THRB: variants seen among roughly 807,000 people sequenced by gnomAD.
THRB encodes nuclear receptor subfamily 1 group A member 2.
THRB carries 12 observed loss-of-function variants against 47.8 expected under a neutral mutation model. The observed-to-expected ratio is 0.25, with a 90% CI of 0.16 to 0.41. The LOEUF (loss-of-function observed/expected upper bound fraction) is 0.41. THRB is among the 10% of genes least tolerant of loss of function. The pLI, the probability that THRB is intolerant of heterozygous loss-of-function variation, is 1.00. For synonymous variants in THRB, 218 were observed against 212.2 expected, an observed-to-expected ratio of 1.03 and a Z score of -0.24; for missense variants, 348 against 589.2, an observed-to-expected ratio of 0.59 and a Z score of 4.24.
rs969407720 is a variant in THRB, at chr3:24,146,912, G to T, written c.385-90C>A. The T allele has an allele frequency of 5.7e-6, 7 of 1,229,856 alleles. No individual in the cohort carries two copies. In the Admixed American group the frequency reaches 1.2e-4, roughly 21 times the overall value. The allele number at this position is 1,229,856 out of a possible 1,614,324, so 76.2% of individuals were successfully genotyped here. A position where few individuals can be genotyped will look rare whatever the true frequency, so the allele number is the denominator to read the frequency against. Reference sequence around the variant, plus strand: ...TTTTGTGTCCATATAACTATGAGATGAATCGTTTTGGACCTTAACCTGTTT... The same window carrying T: ...TTTTGTGTCCATATAACTATGAGATTAATCGTTTTGGACCTTAACCTGTTT... On this transcript the variant is annotated intron_variant, in intron 6 of 10. Transcript: ENST00000646209.
At chr3:24,421,849 T>G (rs1426286739) in intron 1 of THRB, among the ~76,000 whole-genome samples, 14 of 151,984 alleles carry the variant, frequency 9.2e-5, no homozygotes, top group Admixed American at 9.2e-4. Flanking sequence ...TAATGATCCC[T>G]TCCTCTAAAG....
chr3:24,412,984 CA>C (rs564343974), intron 1 of THRB, among the ~76,000 whole-genome samples: 2 of 151,108 alleles, frequency 1.3e-5, no homozygotes, highest in Non-Finnish European at 1.5e-5. Flanking sequence ...ATCAATTTAC[CA>C]AAAAAAACTT....
chr3:24,249,562 A>G (rs372144419), intron 3 of THRB, among the ~76,000 whole-genome samples: 10,157 of 152,164 alleles, frequency 0.067, 757 homozygotes, highest in African/African-American at 0.18. Flanking sequence ...CAGAACTTAA[A>G]CAATCAATGG....
chr3:24,428,560 C>A (rs544338895), intron 1 of THRB, among the ~76,000 whole-genome samples: 1 of 152,110 alleles, frequency 6.6e-6, no homozygotes, highest in South Asian at 2.1e-4. Flanking sequence ...CTTCCTAGCC[C>A]AATTTGTTTG....
chr3:24,464,513 T>G (rs190052491), intron 1 of THRB, among the ~76,000 whole-genome samples: 18 of 152,328 alleles, frequency 1.2e-4, no homozygotes, highest in South Asian at 8.3e-4. Flanking sequence ...TGAGTTACTA[T>G]TTTTAGGTCT....
chr3:24,486,736 A>C (rs770622946), intron 1 of THRB: 16 of 152,238 alleles, frequency 1.1e-4, no homozygotes, highest in Non-Finnish European at 1.8e-4. Flanking sequence ...GTATAGGTTT[A>C]TCATCTACAT....
chr3:24,232,977 A>T (rs552632582), intron 3 of THRB, among the ~76,000 whole-genome samples: 106 of 152,164 alleles, frequency 7.0e-4, no homozygotes, highest in Non-Finnish European at 5.9e-4. Context: ...AAAGTCACAG[A>T]TGCCATGTGC....
At chr3:24,132,142 G>C (rs1001914466) in intron 9 of THRB, among the ~76,000 whole-genome samples, 2 of 152,140 alleles carry the variant, frequency 1.3e-5, no homozygotes, top group Non-Finnish European at 2.9e-5. Context: ...GGCAGCAGGA[G>C]TCATTCCAGG....
rs114944387 is a variant in THRB at position 24,118,216 on chromosome 3, T to C, written c.*4668A>G. ...AAAGAAAGAGACAGGAAAATATATC[T>C]GTTATAAGCTTTTTCTTTTTTAGAA... On this transcript the variant is annotated 3_prime_UTR_variant, in exon 11 of 11. Transcript: ENST00000646209. 1.3e-5 allele frequency: 2 copies of C among 152,812 alleles called. No homozygotes were observed. Among genetic ancestry groups the C allele is most frequent in the African/African-American group, 4.8e-5 (2 of 41,600 alleles). The allele number at this position is 152,812 out of a possible 1,614,324, so 9.5% of individuals were successfully genotyped here. A position where few individuals can be genotyped will look rare whatever the true frequency, so the allele number is the denominator to read the frequency against.
At chr3:24,249,554 GAAC>G (rs2050450962) in intron 3 of THRB, among the ~76,000 whole-genome samples, 1 of 133,420 alleles carries the variant, frequency 7.5e-6, no homozygotes, top group African/African-American at 3.6e-5. Flanking sequence ...CTCTAACCCA[GAAC>G]TTAAACAATC....
chr3:24,351,384 G>C (rs955520221), intron 1 of THRB, among the ~76,000 whole-genome samples: 1 of 152,054 alleles, frequency 6.6e-6, no homozygotes, highest in South Asian at 2.1e-4. Context: ...CTTTCAAAAT[G>C]ATGGGCACTT....
At chr3:24,286,187 G>A (rs2055274381) in intron 3 of THRB, among the ~76,000 whole-genome samples, 1 of 152,180 alleles carries the variant, frequency 6.6e-6, no homozygotes, top group African/African-American at 2.4e-5. Flanking sequence ...AGAAACAAAT[G>A]TTTGGTGTAT....
intron 1 of THRB, among the ~76,000 whole-genome samples, chr3:24,403,104 CATAG>C (rs1263878424): frequency 6.6e-6 from 1 of 151,924 alleles, no homozygotes; most frequent in Non-Finnish European, 1.5e-5. Context: ...TACATAACAA[CATAG>C]ATCTCTGAAA....
intron 2 of THRB, among the ~76,000 whole-genome samples, chr3:24,317,594 T>G (rs1368206576): frequency 1.3e-5 from 2 of 151,666 alleles, no homozygotes; most frequent in Non-Finnish European, 2.9e-5. Flanking sequence ...CTGGCTAGGG[T>G]GTTGGGTCTG....
chr3:24,219,073 C>T (rs2046907331), intron 4 of THRB, among the ~76,000 whole-genome samples: 1 of 151,982 alleles, frequency 6.6e-6, no homozygotes, highest in South Asian at 2.1e-4. Flanking sequence ...TTAAGACCAG[C>T]CTGGTCAACA....
chr3:24,141,401 T>C (rs1253565991), intron 8 of THRB, among the ~76,000 whole-genome samples: 4 of 152,180 alleles, frequency 2.6e-5, no homozygotes, highest in Admixed American at 6.5e-5. Context: ...TCCTCAGAGA[T>C]GCTTCTTCTG....
At chr3:24,177,219 G>T (rs894182451) in intron 5 of THRB, among the ~76,000 whole-genome samples, 1 of 152,008 alleles carries the variant, frequency 6.6e-6, no homozygotes, top group Non-Finnish European at 1.5e-5. Context: ...GAGTAAAATG[G>T]AATCATTATT....
chr3:24,422,232 C>G (rs781693023), intron 1 of THRB, among the ~76,000 whole-genome samples: 1 of 151,922 alleles, frequency 6.6e-6, no homozygotes, highest in Non-Finnish European at 1.5e-5. Flanking sequence ...TATGTTATCA[C>G]AGTTTCCATT....
intron 1 of THRB, among the ~76,000 whole-genome samples, chr3:24,493,934 G>A (rs933879384): frequency 1.3e-5 from 2 of 152,190 alleles, no homozygotes; most frequent in African/African-American, 4.8e-5. Flanking sequence ...CTTCTCCGAG[G>A]GGGTGGAGGT....
Sources: gnomAD v4.1 joint callset for allele counts (sites outside exome capture counted in the v4.1 genomes callset) on GRCh38, gnomAD v4.1.1 for gene constraint, MANE v1.5 for transcripts, NCBI Gene and HGNC (gene_info 2026-07-23, HGNC 2026-07-21) for gene names.